ZNF562: variants seen among roughly 807,000 people sequenced by gnomAD.
ZNF562 encodes zinc finger protein 562.
Under a neutral mutation model 17.5 loss-of-function variants are expected in ZNF562, and 13 were observed. The ratio of observed to expected loss-of-function variants is 0.74; its 90% CI spans 0.48 to 1.18. ZNF562 has a LOEUF of 1.18. Ranked by LOEUF, ZNF562 falls within the 50% of genes most tolerant of loss-of-function variation. The pLI is 0.00. For missense variants in ZNF562, 481 were observed against 498.5 expected (o/e 0.96, Z 0.33); for synonymous variants, 163 against 165.4 (o/e 0.99, Z 0.11).
intron 3 of ZNF562, among the ~76,000 whole-genome samples, chr19:9,659,114 G>A (rs571179405): frequency 1.2e-4 from 18 of 152,294 alleles, no homozygotes; most frequent in Admixed American, 2.0e-4. Context: ...ATCTGTCACC[G>A]CACCCAGCAA....
At chr19:9,653,949 G>A in intron 5 of ZNF562, 68 bp from the exon 6 acceptor site, 1 of 1,394,518 alleles carries the variant, frequency 7.2e-7, no homozygotes, top group Non-Finnish European at 9.4e-7. Flanking sequence ...TCTGAACACA[G>A]AAACATTATT....
At chr19:9,657,220 G>A (rs934826792) in intron 4 of ZNF562, among the ~76,000 whole-genome samples, 37 of 151,508 alleles carry the variant, frequency 2.4e-4, no homozygotes, top group African/African-American at 6.8e-4. Flanking sequence ...GGAAAGGAAA[G>A]CAGGAAAGAT....
At chr19:9,661,001 G>C in intron 1 of ZNF562, 127 bp from the exon 2 acceptor site, 1 of 365,892 alleles carries the variant, frequency 2.7e-6, no homozygotes, top group Non-Finnish European at 4.9e-6. Flanking sequence ...TCGTCACTCA[G>C]TAATGATAGT....
At chr19:9,655,694 A>G (rs1019841544) in intron 5 of ZNF562, among the ~76,000 whole-genome samples, 2 of 133,822 alleles carry the variant, frequency 1.5e-5, no homozygotes, top group African/African-American at 5.7e-5. Context: ...TGCTGGGATT[A>G]CAGGATTCAC....
chr19:9,671,314 T>C (rs2044189830), intron 1 of ZNF562, among the ~76,000 whole-genome samples: 1 of 152,154 alleles, frequency 6.6e-6, no homozygotes, highest in Non-Finnish European at 1.5e-5. Context: ...GGCCACCATG[T>C]CTGTGGGTAA....
chr19:9,668,158 T>G (rs1168055316), intron 1 of ZNF562, among the ~76,000 whole-genome samples: 1 of 152,100 alleles, frequency 6.6e-6, no homozygotes, highest in African/African-American at 2.4e-5. Context: ...GAAGGATTGC[T>G]TAAGCCCAAC....
chr19:9,669,736 A>C (rs8107321), intron 1 of ZNF562, among the ~76,000 whole-genome samples: 1 of 70,220 alleles, frequency 1.4e-5, no homozygotes, highest in Admixed American at 1.7e-4. Context: ...GCGCGCGCGC[A>C]CACACACACA....
rs921044975 is a variant in ZNF562 at position 9,649,229 on chromosome 19, C to G, written c.*3720G>C. Reference sequence around the variant, plus strand: ...TTCCTATGCCTGTCTTTACTTTAATCTCTCAATCCTGTCAGCTGAGGAGGA... The same window carrying G: ...TTCCTATGCCTGTCTTTACTTTAATGTCTCAATCCTGTCAGCTGAGGAGGA... On this transcript the variant is annotated 3_prime_UTR_variant, in exon 6 of 6. Coordinates refer to ENST00000453372, the MANE Select transcript of ZNF562 (RefSeq NM_001130031.2). 1 of 152,182 alleles carries G rather than the reference C, an allele frequency of 6.6e-6. No homozygotes were observed. The highest frequency in any genetic ancestry group is 1.5e-5 in the Non-Finnish European group (1 of 68,034). 9.4% of individuals were successfully genotyped at this position (152,182 alleles called of 1,614,324 possible).
At position 9,672,460 on chromosome 19, in the gene ZNF562, G is replaced by A. The variant is rs545658105; in HGVS notation, c.-131+2555C>T. ...TTACATGAGGAGAAAGAAATAAAATGCTAAAAAATTAAGTAAATCTACTAG... is the reference window on the plus strand; with the variant it reads ...TTACATGAGGAGAAAGAAATAAAATACTAAAAAATTAAGTAAATCTACTAG... On this transcript the variant is annotated intron_variant, in intron 1 of 5. Coordinates refer to ENST00000453372, the MANE Select transcript of ZNF562 (RefSeq NM_001130031.2). Among the ~76,000 whole-genome samples the A allele has an allele frequency of 1.5e-3, 229 of 152,172 alleles. 1 individual carries two copies. Among genetic ancestry groups the A allele is most frequent in the African/African-American group, 5.3e-3 (219 of 41,530 alleles).
intron 1 of ZNF562, among the ~76,000 whole-genome samples, chr19:9,662,672 G>C (rs1234534242): frequency 6.6e-6 from 1 of 151,998 alleles, no homozygotes. Flanking sequence ...ACAAGGTCAG[G>C]AGATCGAGAC....
rs1195618273 is a variant in ZNF562, at chr19:9,648,519, T to C, written c.*4430A>G. The C allele has an allele frequency of 1.3e-5, 2 of 152,084 alleles. No individual in the cohort carries two copies. Among genetic ancestry groups the C allele is most frequent in the African/African-American group, 4.8e-5 (2 of 41,412 alleles). The allele number at this position is 152,084 out of a possible 1,614,324, so 9.4% of individuals were successfully genotyped here. A position where few individuals can be genotyped will look rare whatever the true frequency, so the allele number is the denominator to read the frequency against. On this transcript the variant is annotated 3_prime_UTR_variant, in exon 6 of 6. Coordinates refer to ENST00000453372, the MANE Select transcript of ZNF562 (RefSeq NM_001130031.2). ...GGTTTCACCATGTTGGCTGGGCTGG[T>C]CTCGAACTCTTGACCTCAAATGATC...
chr19:9,659,929 TAAAAAAAAAAAAAAAAAAAA>T (rs763657709), intron 2 of ZNF562, among the ~76,000 whole-genome samples: 14 of 37,362 alleles, frequency 3.7e-4, no homozygotes, highest in Admixed American at 5.1e-4. Context: ...CCGTCTCTAC[TAAAAAAAAAAAAAAAAAAAA>T]AAAAAAAAAA....
At chr19:9,660,910 C>T (rs77719434) in intron 1 of ZNF562, 36 bp from the exon 2 acceptor site, 18,424 of 577,000 alleles carry the variant, frequency 0.032, 407 homozygotes, top group South Asian at 0.051. Context: ...AAGCATCAAA[C>T]ATCAGTCATT....
chr19:9,674,488 G>A (rs1214313307), intron 1 of ZNF562: 6 of 151,432 alleles, frequency 4.0e-5, no homozygotes, highest in East Asian at 1.9e-4. Context: ...GCACTCCAGC[G>A]TGGGCGACAG....
In ZNF562 at chr19:9,650,849, G is replaced by A. The variant is rs1423371133; in HGVS notation, c.*2100C>T. ...GTGCATGCCAATAATCCCAGCTACTGAGGGTGAGGCAGGAGAATCACTGGA... is the reference window on the plus strand; with the variant it reads ...GTGCATGCCAATAATCCCAGCTACTAAGGGTGAGGCAGGAGAATCACTGGA... On this transcript the variant is annotated 3_prime_UTR_variant, in exon 6 of 6. Transcript: ENST00000453372. 1 of 150,470 alleles carries A rather than the reference G, an allele frequency of 6.6e-6. No homozygotes were observed. Among genetic ancestry groups the A allele is most frequent in the African/African-American group, 2.5e-5 (1 of 40,758 alleles). The allele number at this position is 150,470 out of a possible 1,614,324, so 9.3% of individuals were successfully genotyped here.
chr19:9,655,838 T>G (rs774800821), intron 5 of ZNF562, among the ~76,000 whole-genome samples: 1 of 145,086 alleles, frequency 6.9e-6, no homozygotes, highest in Non-Finnish European at 1.5e-5. Context: ...GGGTAAGCAA[T>G]TGTCCTGCCT....
Position 9,655,717 on chromosome 19 carries a change from CTTTTTTTTTTTTTTT to C in ZNF562, c.348+815_348+829del, listed in dbSNP as rs58199071. 2.9e-3 allele frequency among the ~76,000 whole-genome samples: 141 copies of C among 48,704 alleles called. 4 individuals are homozygous for C. The East Asian group carries it at 0.06, about 21-fold the overall frequency. The allele number at this position is 48,704 out of a possible 152,430, so 32.0% of individuals were successfully genotyped here. On this transcript the variant is annotated intron_variant, in intron 5 of 5. Coordinates refer to ENST00000453372, the MANE Select transcript of ZNF562 (RefSeq NM_001130031.2). Reference sequence around the variant, plus strand: ...TTACAGGATTCACTTTCTTTTCTTTCTTTTTTTTTTTTTTTTTTTTTTTTTTTTTTTTTTTAGATG... The same window carrying C: ...TTACAGGATTCACTTTCTTTTCTTTCTTTTTTTTTTTTTTTTTTTTAGATG...
Position 9,660,855 on chromosome 19 carries a change from GTACA to G in ZNF562, c.-115_-112del. 2 of 1,106,598 alleles carry G rather than the reference GTACA, an allele frequency of 1.8e-6. No individual in the cohort carries two copies. The highest frequency in any genetic ancestry group is 2.7e-6 in the Non-Finnish European group (2 of 751,972). 68.5% of individuals were successfully genotyped at this position (1,106,598 alleles called of 1,614,324 possible). A position where few individuals can be genotyped will look rare whatever the true frequency, so the allele number is the denominator to read the frequency against. On this transcript the variant is annotated 5_prime_UTR_variant, in exon 2 of 6. Transcript: ENST00000453372. ...ATACAGGCAATCTCCATTCCCCTTT[GTACA>G]GGGTTATCTGAGGCCCTGTTCATAC...
At chr19:9,663,248 C>CAAAA (rs59452070) in intron 1 of ZNF562, among the ~76,000 whole-genome samples, 4 of 129,916 alleles carry the variant, frequency 3.1e-5, no homozygotes, top group African/African-American at 1.2e-4. Flanking sequence ...ACTAAAAATA[C>CAAAA]AAAAAAAAAA....
Sources: allele counts gnomAD v4.1 joint callset (sites outside exome capture counted in the v4.1 genomes callset), GRCh38; gene constraint gnomAD v4.1.1; transcripts MANE v1.5; gene names NCBI Gene and HGNC (gene_info 2026-07-23, HGNC 2026-07-21).